MORN1: variants seen among roughly 807,000 people sequenced by gnomAD.
MORN1 encodes MORN repeat containing 1.
Under a neutral mutation model 61.9 loss-of-function variants are expected in MORN1, and 67 were observed. The observed-to-expected ratio is 1.08, with a 90% CI of 0.89 to 1.33. The LOEUF (loss-of-function observed/expected upper bound fraction) is 1.33, where lower values mean the gene tolerates loss of function less well. Ranked by LOEUF, MORN1 falls within the 40% of genes most tolerant of loss-of-function variation. The pLI is 0.00. For synonymous variants in MORN1, 301 were observed against 292.0 expected, an observed-to-expected ratio of 1.03 and a Z score of -0.31; for missense variants, 752 against 691.2, an observed-to-expected ratio of 1.09 and a Z score of -0.99.
chr1:2,385,549 CGG>C (rs556462194), intron 5 of MORN1: 12,868 of 96,840 alleles, frequency 0.13, 634 homozygotes, highest in South Asian at 0.3. Context: ...GTATTTTAAT[CGG>C]GGGGGGGGGG....
At chr1:2,342,613 TG>T (rs1197587887) in intron 10 of MORN1, among the ~76,000 whole-genome samples, 2 of 152,098 alleles carry the variant, frequency 1.3e-5, no homozygotes, top group African/African-American at 4.8e-5. Flanking sequence ...ACTCCCCTGC[TG>T]TCCCCAGCCC....
chr1:2,387,419 C>T lies in MORN1; in HGVS notation c.358G>A (p.Gly120Arg), dbSNP rs1481787918. The T allele has an allele frequency of 4.3e-6, 7 of 1,611,918 alleles. No homozygotes were observed. The highest frequency in any genetic ancestry group is 5.1e-6 in the Non-Finnish European group (6 of 1,178,912). The stretch of plus-strand genomic sequence containing the variant: ...CACCCGGCTCCTGTGGGCGCCAGAC[C>T]TTCCCGCATGCCGTGGGAGACCTCC... ...EGEVSHGMRE[G>R]HGFLVDRDGQ... Residue 120 changes from glycine (G) to arginine (R), a missense_variant and splice_region_variant, in exon 4 of 14, where the codon GGA (glycine) becomes AGA (arginine). Gly to Arg is a moderately radical substitution (Grantham distance 125). Transcript: ENST00000378531.
At chr1:2,323,337 G>C in intron 13 of MORN1, 2 of 985,452 alleles carry the variant, frequency 2.0e-6, no homozygotes, top group Non-Finnish European at 2.4e-6. Flanking sequence ...CCAGACCCCA[G>C]TGAGCAGCGG....
At chr1:2,345,400 G>A (rs887882327) in intron 10 of MORN1, among the ~76,000 whole-genome samples, 20 of 152,238 alleles carry the variant, frequency 1.3e-4, no homozygotes, top group Admixed American at 2.6e-4. Context: ...GGGGACACAG[G>A]ACAATTCGGG....
intron 6 of MORN1, chr1:2,377,381 C>T (rs1341907033): frequency 6.6e-6 from 1 of 152,370 alleles, no homozygotes; most frequent in Non-Finnish European, 1.5e-5. Context: ...CCCTCCCTTC[C>T]CTGCCCAGCC....
chr1:2,336,505 G>A lies in MORN1; in HGVS notation c.1214C>T (p.Thr405Ile), dbSNP rs140599242. 6.1e-5 allele frequency: 99 copies of A among 1,612,566 alleles called. No individual in the cohort carries two copies. The highest frequency in any genetic ancestry group is 7.5e-5 in the Non-Finnish European group (88 of 1,179,836). The change falls in exon 12 of 14, where the codon ACA (threonine) becomes ATA (isoleucine). Residue 405 changes from threonine to isoleucine, a missense_variant. Coordinates refer to ENST00000378531, the MANE Select transcript of MORN1 (RefSeq NM_024848.3). ...RSRGGLHPRG[T>I]PPTAQEPPGG... ...AGGAGGCTCCTGTGCCGTGGGTGGT[G>A]TCCCCCTGGGGTGCAGGCCGCCTCT... is the stretch of plus-strand genomic sequence containing the variant.
intron 8 of MORN1, among the ~76,000 whole-genome samples, chr1:2,362,488 TAAAAA>T (rs1329965844): frequency 2.0e-5 from 3 of 151,426 alleles, no homozygotes; most frequent in African/African-American, 7.3e-5. Context: ...AAAAAAGAGT[TAAAAA>T]GAAAAAACAG....
rs951917204 is a variant in MORN1, at chr1:2,334,155, C to T, written c.1250+2314G>A. 2.0e-5 allele frequency among the ~76,000 whole-genome samples: 3 copies of T among 151,136 alleles called. No individual in the cohort carries two copies. Among genetic ancestry groups the T allele is most frequent in the African/African-American group, 4.9e-5 (2 of 41,078 alleles). The stretch of plus-strand genomic sequence containing the variant: ...CCAGATGGGTTGTGGGGGGTTTTGG[C>T]GGGGACAGAGCTGGGGAGGTCCTGG... On this transcript the variant is annotated intron_variant, in intron 12 of 13. Coordinates refer to ENST00000378531, the MANE Select transcript of MORN1 (RefSeq NM_024848.3). The surrounding 1 kb of genome is among the most constrained non-coding windows in gnomAD (Gnocchi z 5.4).
rs566392143 is a variant in MORN1 at position 2,384,965 on chromosome 1, C to T, written c.537+13G>A. On this transcript the variant is annotated intron_variant, in intron 6 of 13. Coordinates refer to ENST00000378531, the MANE Select transcript of MORN1 (RefSeq NM_024848.3). ...TACCCTCTGGGCAGCAGGTGCCGCG[C>T]GCCCCCGGGTACCTTGTAGGTGGAG... 662 of 1,546,194 alleles carry T rather than the reference C, an allele frequency of 4.3e-4. 10 individuals carry two copies. The South Asian group carries it at 6.5e-3, about 15-fold the overall frequency.
chr1:2,322,017 TAACG>T (rs1640892492), intron 13 of MORN1: 13 of 985,070 alleles, frequency 1.3e-5, no homozygotes, highest in Non-Finnish European at 1.6e-5. Context: ...TTTTTAAAAA[TAACG>T]AACCCTCTGA....
At position 2,323,955 on chromosome 1, in the gene MORN1, C is replaced by T. The variant is rs1640939860; in HGVS notation, c.1297+142G>A. The T allele has an allele frequency of 2.1e-6, 3 of 1,425,280 alleles. No individual in the cohort carries two copies. In the East Asian group the frequency reaches 7.9e-5, roughly 38 times the overall value. 88.3% of individuals were successfully genotyped at this position (1,425,280 alleles called of 1,614,324 possible). ...TCAGGTCCCTGGGAGGGCCTGGCTG[C>T]TCCCCAGTCCCCCACCCACTGCCAC... On this transcript the variant is annotated intron_variant, in intron 13 of 13. Transcript: ENST00000378531.
At chr1:2,336,299 C>T (rs917879290) in intron 12 of MORN1, among the ~76,000 whole-genome samples, 170 bp downstream of exon 12, 25 of 152,222 alleles carry the variant, frequency 1.6e-4, no homozygotes, top group African/African-American at 5.3e-4. Context: ...GTTAGCCCCG[C>T]GAGACCCTGG....
chr1:2,331,851 C>T (rs932331186), intron 12 of MORN1, among the ~76,000 whole-genome samples: 6 of 136,590 alleles, frequency 4.4e-5, no homozygotes, highest in Admixed American at 7.2e-5. Flanking sequence ...GCGGCTCTCC[C>T]GCCCCTGCGC....
chr1:2,364,658 A>T (rs7539099), intron 8 of MORN1, among the ~76,000 whole-genome samples: 76,134 of 147,264 alleles, frequency 0.52, 20,271 homozygotes, highest in Admixed American at 0.64. Flanking sequence ...TGAATGGTAA[A>T]GCCTAGGTTT....
chr1:2,373,563 C>G (rs1472226186), intron 7 of MORN1, among the ~76,000 whole-genome samples: 2 of 152,182 alleles, frequency 1.3e-5, no homozygotes, highest in Non-Finnish European at 2.9e-5. Context: ...CTGGAGGGCT[C>G]TGCTGAGGAT....
At chr1:2,379,911 G>C (rs1056131822) in intron 6 of MORN1, among the ~76,000 whole-genome samples, 22 of 152,206 alleles carry the variant, frequency 1.4e-4, no homozygotes, top group African/African-American at 5.1e-4. Flanking sequence ...ACAGGGCCTT[G>C]AAGAGTTCTC....
chr1:2,374,816 A>C (rs184980889), intron 6 of MORN1: 29 of 404,998 alleles, frequency 7.2e-5, no homozygotes, highest in African/African-American at 5.3e-4. Context: ...ACAACGGCAC[A>C]GTATATAAAA....
chr1:2,390,665 G>C, intron 1 of MORN1: 1 of 985,398 alleles, frequency 1.0e-6, no homozygotes, highest in South Asian at 4.7e-5. Context: ...TCAGGGTCAG[G>C]TTCTACCTGA....
intron 8 of MORN1, among the ~76,000 whole-genome samples, chr1:2,367,456 C>CAA (rs3065235): frequency 0.31 from 44,516 of 143,948 alleles, 7,327 homozygotes; most frequent in South Asian, 0.45. Context: ...TCTGTCTCTA[C>CAA]AAAAAAAAAA....
Sources: gnomAD v4.1 joint callset for allele counts (sites outside exome capture counted in the v4.1 genomes callset) on GRCh38, gnomAD v4.1.1 for gene constraint, Gnocchi (gnomAD v3.1) non-coding constraint, MANE v1.5 for transcripts, NCBI Gene and HGNC (gene_info 2026-07-23, HGNC 2026-07-21) for gene names.